APPL1: variants seen among roughly 807,000 people sequenced by gnomAD.
APPL1 encodes the protein adaptor protein, phosphotyrosine interacting with PH domain and leucine zipper 1.
In APPL1, 42 loss-of-function variants were observed where a neutral mutation model predicts 106.8. The observed-to-expected ratio is 0.39, with a 90% CI of 0.31 to 0.51. APPL1 has a LOEUF of 0.51. Ranked by LOEUF, APPL1 falls within the 20% of genes least tolerant of loss-of-function variation. The pLI is 0.75. For missense variants in APPL1, 769 were observed against 858.2 expected, an observed-to-expected ratio of 0.90 and a Z score of 1.30; for synonymous variants, 263 against 281.8, an observed-to-expected ratio of 0.93 and a Z score of 0.67.
chr3:57,254,905 G>A (rs1217486452), intron 13 of APPL1, among the ~76,000 whole-genome samples: 5 of 152,250 alleles, frequency 3.3e-5, no homozygotes, highest in African/African-American at 7.2e-5. Flanking sequence ...GATTACAGGC[G>A]TGAGCCACCA....
At chr3:57,253,766 A>G in intron 13 of APPL1, 28 bp downstream of exon 13, 1 of 1,368,008 alleles carries the variant, frequency 7.3e-7, no homozygotes, top group East Asian at 3.1e-5. Context: ...TGTTACCCAG[A>G]TCTAGCAAAA....
intron 19 of APPL1, among the ~76,000 whole-genome samples, chr3:57,263,159 A>G (rs1328431058): frequency 6.6e-6 from 1 of 152,092 alleles, no homozygotes; most frequent in Non-Finnish European, 1.5e-5. Context: ...CCAGGTGTAT[A>G]TATTTATGCA....
chr3:57,269,478 C>A, intron 21 of APPL1, 63 bp from the exon 22 acceptor site: 1 of 1,574,810 alleles, frequency 6.3e-7, no homozygotes, highest in South Asian at 1.2e-5. Context: ...TGTATCTTAA[C>A]TGCATAATTT....
rs1396962578 is a variant in APPL1, at chr3:57,246,128, A to G, written c.527A>G (p.Gln176Arg). The G allele has an allele frequency of 6.2e-7, 1 of 1,612,188 alleles. No homozygotes were observed. ...TACACATCCAGAAAGAAACAACACC[A>G]GACCATGATGCATTATTTTTGTGCA... ...DVYTSRKKQHQTMMHYFCALN... is the reference protein window; with the variant it reads ...DVYTSRKKQHRTMMHYFCALN... The change falls in exon 8 of 22, where the codon CAG becomes CGG. Residue 176 changes from glutamine (Q) to arginine (R), a missense_variant. Physicochemically the swap from Gln to Arg is conservative, Grantham distance 43. Transcript: ENST00000288266.
Position 57,268,436 on chromosome 3 carries a change from A to T in APPL1, c.1932A>T (p.Arg644Ser). ...CAGAAAAACAAAAAGAAATAGAGAGAGTAAAAGAGAAGCAACAGAAAGAAC... is the reference window on the plus strand; with the variant it reads ...CAGAAAAACAAAAAGAAATAGAGAGTGTAAAAGAGAAGCAACAGAAAGAAC... ...RASEKQKEIE[R>S]VKEKQQKELN... Residue 644 changes from arginine to serine, a missense_variant, in exon 21 of 22, where the codon AGA becomes AGT. Coordinates refer to ENST00000288266, the MANE Select transcript of APPL1 (RefSeq NM_012096.3). The T allele has an allele frequency of 6.2e-7, 1 of 1,603,160 alleles. No individual in the cohort carries two copies. The highest frequency in any genetic ancestry group is 8.5e-7 in the Non-Finnish European group (1 of 1,173,812).
At chr3:57,239,632 G>T (rs2060735080) in intron 4 of APPL1, among the ~76,000 whole-genome samples, 1 of 152,104 alleles carries the variant, frequency 6.6e-6, no homozygotes, top group South Asian at 2.1e-4. Flanking sequence ...TCATATACAA[G>T]ATTGTTTTTT....
At chr3:57,254,322 G>A (rs1428175565) in intron 13 of APPL1, among the ~76,000 whole-genome samples, 1 of 152,200 alleles carries the variant, frequency 6.6e-6, no homozygotes, top group Non-Finnish European at 1.5e-5. Context: ...GAAGAAAATT[G>A]AGCCATGGCC....
At chr3:57,260,509 A>C in intron 18 of APPL1, 119 bp from the exon 19 acceptor site, 1 of 906,758 alleles carries the variant, frequency 1.1e-6, no homozygotes, top group East Asian at 3.0e-5. Flanking sequence ...CTGTTAAAAT[A>C]ATTGGCTTTA....
In APPL1 at chr3:57,267,734, C is replaced by G; in HGVS notation, c.1843-8C>G. The G allele has an allele frequency of 1.9e-6, 3 of 1,613,294 alleles. No homozygotes were observed. Among genetic ancestry groups the G allele is most frequent in the South Asian group, 2.2e-5 (2 of 91,030 alleles). On this transcript the variant is annotated splice_region_variant and splice_polypyrimidine_tract_variant and intron_variant, in intron 19 of 21. Coordinates refer to ENST00000288266, the MANE Select transcript of APPL1 (RefSeq NM_012096.3). ...TGCCTGAATTTTTCATACTTTTTCT[C>G]TTTTTAGATATGTGATTCTGTTGGA...
At chr3:57,265,865 C>A (rs1401265611) in intron 19 of APPL1, among the ~76,000 whole-genome samples, 1 of 152,080 alleles carries the variant, frequency 6.6e-6, no homozygotes, top group Non-Finnish European at 1.5e-5. Context: ...GAGCTATATT[C>A]CTTCTATACC....
At chr3:57,239,807 G>A (rs1289147377) in intron 4 of APPL1, among the ~76,000 whole-genome samples, 1 of 152,118 alleles carries the variant, frequency 6.6e-6, no homozygotes, top group African/African-American at 2.4e-5. Context: ...TACCAGCAAT[G>A]TAGGAGGGTT....
Position 57,245,259 on chromosome 3 carries a change from A to G in APPL1, c.475-817A>G, listed in dbSNP as rs143891718. On this transcript the variant is annotated intron_variant, in intron 7 of 21. Coordinates refer to ENST00000288266, the MANE Select transcript of APPL1 (RefSeq NM_012096.3). Reference sequence around the variant, plus strand: ...CAGAAGAACCTAATGCCTATTACATAATAGGTATTCAATAAATATTTGTTG... The same window carrying G: ...CAGAAGAACCTAATGCCTATTACATGATAGGTATTCAATAAATATTTGTTG... Among the ~76,000 whole-genome samples the G allele has an allele frequency of 1.1e-4, 17 of 152,306 alleles. 1 individual carries two copies. The highest frequency in any genetic ancestry group is 4.1e-4 in the African/African-American group (17 of 41,566).
chr3:57,262,888 T>G (rs2060874893), intron 19 of APPL1, among the ~76,000 whole-genome samples: 1 of 147,854 alleles, frequency 6.8e-6, no homozygotes. Flanking sequence ...TCTTGCTGTG[T>G]CACCTGGGCT....
Position 57,268,452 on chromosome 3 carries a change from CAGAA to C in APPL1, c.1953_1956del (p.Lys651AsnfsTer18). ...AATAGAGAGAGTAAAAGAGAAGCAA[CAGAA>C]AGAACTCAATAAACAAAAACAGATT... On this transcript the variant is annotated frameshift_variant, in exon 21 of 22. Transcript: ENST00000288266. LOFTEE classifies it high-confidence loss of function. The C allele has an allele frequency of 6.2e-7, 1 of 1,604,674 alleles. No individual in the cohort carries two copies. The highest frequency in any genetic ancestry group is 8.5e-7 in the Non-Finnish European group (1 of 1,175,134).
At chr3:57,249,621 G>A (rs1353095479) in intron 11 of APPL1, 73 bp downstream of exon 11, 1 of 1,340,672 alleles carries the variant, frequency 7.5e-7, no homozygotes, top group South Asian at 1.7e-5. Context: ...ATTCCTTTTT[G>A]TTTAGAAATT....
chr3:57,252,771 A>G (rs967577029), intron 12 of APPL1, among the ~76,000 whole-genome samples: 2 of 152,208 alleles, frequency 1.3e-5, no homozygotes, highest in African/African-American at 2.4e-5. Flanking sequence ...GTTCTTCCTC[A>G]TGAGCCTTTT....
At chr3:57,261,016 T>C (rs2060862360) in intron 19 of APPL1, among the ~76,000 whole-genome samples, 1 of 152,186 alleles carries the variant, frequency 6.6e-6, no homozygotes, top group African/African-American at 2.4e-5. Flanking sequence ...TGAAGTATAG[T>C]CACCCTACTC....
At chr3:57,237,374 G>T (rs1288623248) in intron 2 of APPL1, 118 bp from the exon 3 acceptor site, 1 of 739,010 alleles carries the variant, frequency 1.4e-6, no homozygotes, top group Admixed American at 3.2e-5. Context: ...TTTAATGAAG[G>T]TTTTAAAAAA....
intron 16 of APPL1, 142 bp from the exon 17 acceptor site, chr3:57,259,703 C>G (rs1325921389): frequency 1.5e-6 from 1 of 674,330 alleles, no homozygotes; most frequent in Non-Finnish European, 2.4e-6. Flanking sequence ...AAATGTCTCC[C>G]TTAGGCTGTT....
Sources: gnomAD v4.1 joint callset for allele counts (sites outside exome capture counted in the v4.1 genomes callset) on GRCh38, gnomAD v4.1.1 for gene constraint, MANE v1.5 for transcripts, NCBI Gene and HGNC (gene_info 2026-07-23, HGNC 2026-07-21) for gene names.